Variants in TRPS1 observed in about 807,000 individuals in gnomAD.
TRPS1 encodes the protein zinc finger transcription factor Trps1.
A neutral mutation model predicts 101.2 loss-of-function variants in TRPS1; 6 were observed. That is an observed-to-expected ratio of 0.06 (90% CI 0.03 to 0.12). The LOEUF is 0.12. Among genes scored for constraint, TRPS1 ranks in the 10% least tolerant of loss-of-function variants. The pLI is 1.00. For missense variants in TRPS1, 1,363 were observed against 1,567.0 expected, an observed-to-expected ratio of 0.87 and a Z score of 2.20; for synonymous variants, 578 against 589.8, an observed-to-expected ratio of 0.98 and a Z score of 0.29.
At chr8:115,618,797 A>C (rs1818323664) in intron 3 of TRPS1, among the ~76,000 whole-genome samples, 1 of 152,352 alleles carries the variant, frequency 6.6e-6, no homozygotes, top group South Asian at 2.1e-4. Flanking sequence ...TATCATGTGC[A>C]ACCATAAAGA....
intron 1 of TRPS1, among the ~76,000 whole-genome samples, chr8:115,639,520 A>G (rs1818847319): frequency 2.0e-5 from 3 of 152,142 alleles, no homozygotes; most frequent in African/African-American, 7.2e-5. Context: ...CAGCTTGTAC[A>G]CTAAAAATAC....
At chr8:115,605,113 G>T (rs1818007903) in intron 3 of TRPS1, 111 bp from the exon 4 acceptor site, 1 of 942,350 alleles carries the variant, frequency 1.1e-6, no homozygotes, top group Non-Finnish European at 1.7e-6. Flanking sequence ...AAATACAATA[G>T]TACTCCTGCT....
intron 5 of TRPS1, among the ~76,000 whole-genome samples, chr8:115,514,595 T>A (rs773753121): frequency 2.1e-4 from 32 of 151,584 alleles, no homozygotes; most frequent in Non-Finnish European, 2.7e-4. Context: ...ATTTTAAAAA[T>A]TTCCTTGAAT....
At chr8:115,598,102 A>AT (rs1817828169) in intron 4 of TRPS1, among the ~76,000 whole-genome samples, 1 of 152,102 alleles carries the variant, frequency 6.6e-6, no homozygotes, top group Admixed American at 6.6e-5. Flanking sequence ...TTTTCTCACC[A>AT]TTTTTTAAAA....
At chr8:115,499,296 T>C (rs1815242905) in intron 5 of TRPS1, among the ~76,000 whole-genome samples, 1 of 152,232 alleles carries the variant, frequency 6.6e-6, no homozygotes, top group African/African-American at 2.4e-5. Flanking sequence ...TAATGATATA[T>C]GCACATTATG....
At chr8:115,438,835 T>C (rs763373715) in intron 5 of TRPS1, among the ~76,000 whole-genome samples, 9 of 152,154 alleles carry the variant, frequency 5.9e-5, no homozygotes, top group Non-Finnish European at 1.0e-4. Context: ...CTGCCTAAGT[T>C]CCAGTCACTA....
chr8:115,509,554 G>A (rs1586347502), intron 5 of TRPS1: 1 of 151,992 alleles, frequency 6.6e-6, no homozygotes, highest in Non-Finnish European at 1.5e-5. Context: ...CATCTGCAAT[G>A]CAGTAAATGG....
intron 1 of TRPS1, among the ~76,000 whole-genome samples, chr8:115,646,857 T>C (rs1247111799): frequency 6.6e-6 from 1 of 152,166 alleles, no homozygotes; most frequent in East Asian, 1.9e-4. Flanking sequence ...GGACAACTTT[T>C]TTGTGACAAA....
intron 5 of TRPS1, among the ~76,000 whole-genome samples, chr8:115,478,121 G>C (rs1395857426): frequency 6.6e-6 from 1 of 152,092 alleles, no homozygotes; most frequent in Non-Finnish European, 1.5e-5. Context: ...TTAAAATTCT[G>C]ATCTATATTG....
At position 115,587,833 on chromosome 8, in the gene TRPS1, GAC is replaced by G. The variant is rs34198799; in HGVS notation, c.2097-231_2097-230del. ...TATTAGCAGTAATAGGTATAACACA[GAC>G]ACACACACACACACACACACGCATC... On this transcript the variant is annotated intron_variant, in intron 4 of 6. Transcript: ENST00000395715. Among the ~76,000 whole-genome samples the G allele has an allele frequency of 0.61, 91,995 of 151,048 alleles. 28,318 individuals are homozygous for G. The highest frequency in any genetic ancestry group is 0.82 in the East Asian group (4,189 of 5,122).
intron 5 of TRPS1, among the ~76,000 whole-genome samples, chr8:115,472,442 T>A (rs538510938): frequency 1.3e-5 from 2 of 152,294 alleles, no homozygotes; most frequent in Non-Finnish European, 2.9e-5. Context: ...AAACCATTTT[T>A]TCTTCCTAGG....
intron 5 of TRPS1, among the ~76,000 whole-genome samples, chr8:115,459,785 C>T (rs1246788187): frequency 6.6e-6 from 1 of 152,170 alleles, no homozygotes; most frequent in African/African-American, 2.4e-5. Flanking sequence ...ATTCAGACCA[C>T]TGAAGTTATC....
intron 5 of TRPS1, among the ~76,000 whole-genome samples, chr8:115,571,549 G>C (rs1480760262): frequency 6.6e-6 from 1 of 152,098 alleles, no homozygotes; most frequent in Non-Finnish European, 1.5e-5. Flanking sequence ...TTAAACAAAA[G>C]GGAAAGCAGA....
intron 5 of TRPS1, among the ~76,000 whole-genome samples, chr8:115,584,516 T>C (rs1018083703): frequency 6.6e-6 from 1 of 151,966 alleles, no homozygotes; most frequent in Non-Finnish European, 1.5e-5. Flanking sequence ...TATATTTCTA[T>C]GGTGTATTTT....
intron 5 of TRPS1, among the ~76,000 whole-genome samples, chr8:115,442,550 CGT>C (rs10570037): frequency 0.092 from 13,305 of 144,680 alleles, 1,092 homozygotes; most frequent in African/African-American, 0.22. Flanking sequence ...AAGTATGGTG[CGT>C]GTGTGTGTGT....
chr8:115,522,885 T>G (rs1451767524), intron 5 of TRPS1, among the ~76,000 whole-genome samples: 1 of 152,062 alleles, frequency 6.6e-6, no homozygotes, highest in Admixed American at 6.6e-5. Context: ...TTGAGTTTTT[T>G]GTTGTTGTTG....
intron 5 of TRPS1, among the ~76,000 whole-genome samples, chr8:115,499,846 A>G (rs529540299): frequency 1.6e-4 from 24 of 152,300 alleles, no homozygotes; most frequent in African/African-American, 5.8e-4. Flanking sequence ...GAATATGGGG[A>G]GCTAGGATAC....
At chr8:115,590,952 A>G (rs1817667321) in intron 4 of TRPS1, among the ~76,000 whole-genome samples, 1 of 152,032 alleles carries the variant, frequency 6.6e-6, no homozygotes, top group South Asian at 2.1e-4. Flanking sequence ...CATGTACCTT[A>G]ACCATGACCA....
intron 2 of TRPS1, among the ~76,000 whole-genome samples, chr8:115,622,644 A>G (rs1269921615): frequency 6.6e-6 from 1 of 152,148 alleles, no homozygotes; most frequent in Admixed American, 6.6e-5. Flanking sequence ...TAACTATATC[A>G]TTTCTATTTT....
Sources: allele counts gnomAD v4.1 joint callset (sites outside exome capture counted in the v4.1 genomes callset), GRCh38; gene constraint gnomAD v4.1.1; transcripts MANE v1.5; gene names NCBI Gene and HGNC (gene_info 2026-07-23, HGNC 2026-07-21).